The following LUZP2 variants were observed in gnomAD, a reference collection of about 807,000 sequenced individuals.
LUZP2 encodes leucine zipper protein 2.
In LUZP2, 52 loss-of-function variants were observed where a neutral mutation model predicts 51.6. The observed-to-expected ratio is 1.01, with a 90% CI of 0.81 to 1.27. The LOEUF is 1.27. Among genes scored for constraint, LUZP2 ranks in the 50% most tolerant of loss-of-function variants. The pLI, the probability that LUZP2 is intolerant of heterozygous loss-of-function variation, is 0.00. For synonymous variants in LUZP2, 154 were observed against 137.3 expected (o/e 1.12, Z -0.85); for missense variants, 436 against 395.4 (o/e 1.10, Z -0.87).
At chr11:25,029,090 G>C (rs922242689) in intron 9 of LUZP2, among the ~76,000 whole-genome samples, 1 of 152,178 alleles carries the variant, frequency 6.6e-6, no homozygotes, top group African/African-American at 2.4e-5. Flanking sequence ...GGGAAGGGTA[G>C]TGGGGACCTG....
chr11:24,959,374 T>A (rs1412594773), intron 7 of LUZP2, among the ~76,000 whole-genome samples: 4 of 152,214 alleles, frequency 2.6e-5, no homozygotes, highest in Admixed American at 6.5e-5. Context: ...ATATTGATAC[T>A]TCCTACCCAT....
chr11:24,592,854 A>G (rs1424097541), intron 1 of LUZP2, among the ~76,000 whole-genome samples: 1 of 152,208 alleles, frequency 6.6e-6, no homozygotes, highest in African/African-American at 2.4e-5. Context: ...GAAAACTAAA[A>G]TTACAAAGAA....
intron 5 of LUZP2, chr11:24,891,007 TATC>T (rs1328639069): frequency 2.0e-6 from 2 of 980,552 alleles, no homozygotes; most frequent in Non-Finnish European, 2.4e-6. Context: ...TGCTTTACAT[TATC>T]ACTCTACGTT....
intron 1 of LUZP2, among the ~76,000 whole-genome samples, chr11:24,567,106 G>A (rs58896806): frequency 6.7e-6 from 1 of 149,982 alleles, no homozygotes; most frequent in Non-Finnish European, 1.5e-5. Flanking sequence ...CTCCCAAAGT[G>A]CTGGGATAAC....
At chr11:24,847,784 G>T (rs1473003150) in intron 5 of LUZP2, among the ~76,000 whole-genome samples, 1 of 151,924 alleles carries the variant, frequency 6.6e-6, no homozygotes, top group African/African-American at 2.4e-5. Flanking sequence ...AGATTAGTTG[G>T]CACTATTATA....
chr11:24,532,681 A>G (rs10834368), intron 1 of LUZP2, among the ~76,000 whole-genome samples: 63,532 of 150,750 alleles, frequency 0.42, 13,947 homozygotes, highest in African/African-American at 0.52. Flanking sequence ...AAGGTGGGGT[A>G]GTGCTAGCCT....
intron 1 of LUZP2, among the ~76,000 whole-genome samples, chr11:24,527,599 A>ACACACACACACACACAG (rs112511900): frequency 1.3e-5 from 2 of 148,720 alleles, no homozygotes; most frequent in African/African-American, 5.0e-5. Context: ...ACACACACAC[A>ACACACACACACACACAG]TTTATTTGTT....
intron 8 of LUZP2, among the ~76,000 whole-genome samples, chr11:24,981,953 CAT>C (rs1292314148): frequency 2.4e-4 from 1 of 4,096 alleles, no homozygotes; most frequent in Non-Finnish European, 4.6e-3. Flanking sequence ...AAAGGACATG[CAT>C]GAACAGACAC....
chr11:24,662,476 A>T (rs1429413030), intron 1 of LUZP2, among the ~76,000 whole-genome samples: 1 of 152,130 alleles, frequency 6.6e-6, no homozygotes, highest in African/African-American at 2.4e-5. Context: ...TCTCCCATTA[A>T]TTAACAAAAA....
chr11:25,026,848 T>C (rs1034824769), intron 9 of LUZP2, among the ~76,000 whole-genome samples: 2 of 149,152 alleles, frequency 1.3e-5, no homozygotes, highest in African/African-American at 5.0e-5. Flanking sequence ...TTCACCTTTT[T>C]ATTTTTTTTA....
chr11:25,051,874 A>G (rs1264021464), intron 10 of LUZP2, among the ~76,000 whole-genome samples: 3 of 152,196 alleles, frequency 2.0e-5, no homozygotes, highest in Non-Finnish European at 4.4e-5. Flanking sequence ...ATTCTGGTCT[A>G]CTTTTCTTAT....
At position 24,741,134 on chromosome 11, in the gene LUZP2, C is replaced by T. The variant is rs181829861; in HGVS notation, c.333+2832C>T. Among the ~76,000 whole-genome samples the T allele has an allele frequency of 1.0e-3, 154 of 152,018 alleles. 1 individual carries two copies. The highest frequency in any genetic ancestry group is 3.6e-3 in the African/African-American group (149 of 41,484). ...CCTCAACTCTATTTACATTACTATT[C>T]AAAATAATTTTGTTTTGCAATTTCT... On this transcript the variant is annotated intron_variant, in intron 4 of 11. Coordinates refer to ENST00000336930, the MANE Select transcript of LUZP2 (RefSeq NM_001009909.4).
At chr11:24,716,233 T>C (rs1255393475) in intron 1 of LUZP2, among the ~76,000 whole-genome samples, 1 of 152,218 alleles carries the variant, frequency 6.6e-6, no homozygotes, top group Non-Finnish European at 1.5e-5. Flanking sequence ...ATTGTTGTTA[T>C]TCTATTTCTT....
rs777082197 is a variant in LUZP2, at chr11:24,971,669, G to A, written c.523-4922G>A. On this transcript the variant is annotated intron_variant, in intron 7 of 11. Transcript: ENST00000336930. ...AAAAAAATTATAAAAAATAATTATG[G>A]CTACTCTGTATGATTTAATCCAGTA... is the stretch of plus-strand genomic sequence containing the variant. 5.3e-5 allele frequency among the ~76,000 whole-genome samples: 8 copies of A among 152,092 alleles called. No homozygotes were observed. In the South Asian group the frequency reaches 1.0e-3, roughly 20 times the overall value.
chr11:24,773,081 GTTT>G (rs3078931), intron 5 of LUZP2, among the ~76,000 whole-genome samples: 9,101 of 145,590 alleles, frequency 0.063, 309 homozygotes, highest in Middle Eastern at 0.086. Context: ...AAACAGTGTA[GTTT>G]TTTTTTTTTT....
chr11:24,649,637 C>T (rs1221737242), intron 1 of LUZP2, among the ~76,000 whole-genome samples: 5 of 151,792 alleles, frequency 3.3e-5, no homozygotes, highest in Non-Finnish European at 7.4e-5. Flanking sequence ...CATCAATTCC[C>T]TTTTGGTACT....
intron 1 of LUZP2, among the ~76,000 whole-genome samples, chr11:24,700,735 G>T (rs1304942252): frequency 1.3e-5 from 2 of 152,066 alleles, no homozygotes; most frequent in Non-Finnish European, 1.5e-5. Flanking sequence ...GAAAGAATGG[G>T]AGCTGGGGAA....
intron 10 of LUZP2, among the ~76,000 whole-genome samples, chr11:25,072,416 C>T (rs1371851442): frequency 6.6e-6 from 1 of 151,994 alleles, no homozygotes. Flanking sequence ...AAGTATAGAA[C>T]TATTTTTGAA....
chr11:24,869,881 C>T (rs561990734), intron 5 of LUZP2, among the ~76,000 whole-genome samples: 4 of 152,220 alleles, frequency 2.6e-5, no homozygotes, highest in South Asian at 4.1e-4. Context: ...AATGTTTACG[C>T]TTAGTGGGAA....
Sources: gnomAD v4.1 joint callset for allele counts (sites outside exome capture counted in the v4.1 genomes callset) on GRCh38, gnomAD v4.1.1 for gene constraint, MANE v1.5 for transcripts, NCBI Gene and HGNC (gene_info 2026-07-23, HGNC 2026-07-21) for gene names.